FAM83F: variants seen among roughly 807,000 people sequenced by gnomAD.
FAM83F encodes protein FAM83F.
A neutral mutation model predicts 42.9 loss-of-function variants in FAM83F; 45 were observed. That is an observed-to-expected ratio of 1.05 (90% CI 0.83 to 1.35). FAM83F has a LOEUF of 1.35. Among genes scored for constraint, FAM83F ranks in the 40% most tolerant of loss-of-function variants. The pLI, the probability that FAM83F is intolerant of heterozygous loss-of-function variation, is 0.00. For missense variants in FAM83F, 617 were observed against 695.9 expected (o/e 0.89, Z 1.28); for synonymous variants, 306 against 298.3 (o/e 1.03, Z -0.27).
Position 39,995,082 on chromosome 22 carries a change from G to A in FAM83F, c.40G>A (p.Val14Met), listed in dbSNP as rs1281706691. 2 of 1,348,440 alleles carry A rather than the reference G, an allele frequency of 1.5e-6. No individual in the cohort carries two copies. The highest frequency in any genetic ancestry group is 1.9e-6 in the Non-Finnish European group (2 of 1,057,868). 83.5% of individuals were successfully genotyped at this position (1,348,440 alleles called of 1,614,324 possible). ...GCTGAACTGCCTGGACGAGGCGCAC[G>A]TGAACGAGAAGGTGACCGAGGCGCA... ...SQLNCLDEAH[V>M]NEKVTEAQAA... The change falls in exon 1 of 5, where the codon GTG (valine) becomes ATG (methionine). Residue 14 changes from valine to methionine, a missense_variant. Physicochemically the swap from Val to Met is conservative, Grantham distance 21. Transcript: ENST00000333407. This position sits in a 1 kb window ranked among gnomAD's most constrained non-coding sequence, Gnocchi z 4.6.
At chr22:40,014,390 T>A (rs951433020) in intron 1 of FAM83F, among the ~76,000 whole-genome samples, 1 of 152,138 alleles carries the variant, frequency 6.6e-6, no homozygotes, top group African/African-American at 2.4e-5. Context: ...TTTGTAAAAT[T>A]ATTAAGATAA....
intron 1 of FAM83F, among the ~76,000 whole-genome samples, chr22:40,016,025 G>T (rs965623496): frequency 6.6e-6 from 1 of 152,114 alleles, no homozygotes; most frequent in Non-Finnish European, 1.5e-5. Context: ...TTTGGGCCAA[G>T]ATTTAGGATG....
In FAM83F at chr22:40,023,347, AGCTGCTGCT is replaced by A. The variant is rs570808507; in HGVS notation, c.1453+1397_1453+1405del. ...TGGGCTCCCTGGCTCCCCTAACACC[AGCTGCTGCT>A]GCTGCTGCTGCTCCTGCTCTGTACC... On this transcript the variant is annotated intron_variant, in intron 4 of 4. Transcript: ENST00000333407. This position sits in a 1 kb window ranked among gnomAD's most constrained non-coding sequence, Gnocchi z 4.1. 2.7e-4 allele frequency among the ~76,000 whole-genome samples: 37 copies of A among 136,504 alleles called. No individual in the cohort carries two copies. In the East Asian group the frequency reaches 7.2e-3, roughly 26 times the overall value. The allele number at this position is 136,504 out of a possible 152,430, so 89.6% of individuals were successfully genotyped here. A position where few individuals can be genotyped will look rare whatever the true frequency, so the allele number is the denominator to read the frequency against.
At chr22:40,010,240 A>T (rs1266777183) in intron 1 of FAM83F, 1 of 152,122 alleles carries the variant, frequency 6.6e-6, no homozygotes, top group Non-Finnish European at 1.5e-5. Flanking sequence ...CCGATTTTCC[A>T]TCTACACTGG....
chr22:40,019,874 C>G lies in FAM83F; in HGVS notation c.658-13C>G, dbSNP rs768660459. 6.2e-7 allele frequency: 1 copy of G among 1,602,822 alleles called. No homozygotes were observed. Among genetic ancestry groups the G allele is most frequent in the Non-Finnish European group, 8.5e-7 (1 of 1,175,048 alleles). ...CCAACCCAGGTGACAGGGCCTTCTG[C>G]TCTTCCCAACAGAACATCCGTGTCC... On this transcript the variant is annotated splice_polypyrimidine_tract_variant and intron_variant, in intron 2 of 4. Coordinates refer to ENST00000333407, the MANE Select transcript of FAM83F (RefSeq NM_138435.4).
intron 1 of FAM83F, among the ~76,000 whole-genome samples, chr22:40,016,185 C>CATT (rs199972609): frequency 6.2e-5 from 5 of 80,778 alleles, no homozygotes; most frequent in East Asian, 4.6e-4. Context: ...ATTGACTATA[C>CATT]GTTGTTGTTG....
chr22:40,032,565 T>C lies in FAM83F; in HGVS notation c.*3000T>C, dbSNP rs2067595064. Reference sequence around the variant, plus strand: ...GAGGGGAAAGTGGGCTATTTCTTTTTTTTTTTTCTTTTTTTTTTCTGAGAC... The same window carrying C: ...GAGGGGAAAGTGGGCTATTTCTTTTCTTTTTTTCTTTTTTTTTTCTGAGAC... On this transcript the variant is annotated 3_prime_UTR_variant, in exon 5 of 5. Coordinates refer to ENST00000333407, the MANE Select transcript of FAM83F (RefSeq NM_138435.4). 1 of 151,704 alleles carries C rather than the reference T, an allele frequency of 6.6e-6. No individual in the cohort carries two copies. Among genetic ancestry groups the C allele is most frequent in the Admixed American group, 6.6e-5 (1 of 15,252 alleles). 9.4% of individuals were successfully genotyped at this position (151,704 alleles called of 1,614,324 possible). A position where few individuals can be genotyped will look rare whatever the true frequency, so the allele number is the denominator to read the frequency against.
intron 1 of FAM83F, among the ~76,000 whole-genome samples, chr22:40,003,085 G>A (rs9619838): frequency 8.7e-4 from 133 of 152,234 alleles, no homozygotes; most frequent in African/African-American, 3.0e-3. Flanking sequence ...TCTGTATGTC[G>A]CCAGCCAGGC....
rs924951060 is a variant in FAM83F, at chr22:40,030,040, G to A, written c.*475G>A. The A allele has an allele frequency of 3.1e-5, 5 of 159,550 alleles. No individual in the cohort carries two copies. The highest frequency in any genetic ancestry group is 1.2e-4 in the African/African-American group (5 of 41,588). The allele number at this position is 159,550 out of a possible 1,614,324, so 9.9% of individuals were successfully genotyped here. On this transcript the variant is annotated 3_prime_UTR_variant, in exon 5 of 5. Coordinates refer to ENST00000333407, the MANE Select transcript of FAM83F (RefSeq NM_138435.4). ...GAAGAGGGCAGGGCCCTGAGCCTGGGATCCCAAGTTCCAGTCTTTCTCTAG... is the reference window on the plus strand; with the variant it reads ...GAAGAGGGCAGGGCCCTGAGCCTGGAATCCCAAGTTCCAGTCTTTCTCTAG...
At chr22:40,019,111 C>A (rs2067505821) in intron 1 of FAM83F, 57 bp from the exon 2 acceptor site, 2 of 1,593,872 alleles carry the variant, frequency 1.3e-6, no homozygotes, top group Admixed American at 3.4e-5. Context: ...CTGAGCAGGG[C>A]ATGCCTCTGT....
Position 39,995,093 on chromosome 22 carries a change from G to A in FAM83F, c.51G>A (p.Lys17=). 1.5e-6 allele frequency: 2 copies of A among 1,355,528 alleles called. No individual in the cohort carries two copies. The highest frequency in any genetic ancestry group is 3.0e-5 in the East Asian group (1 of 33,064). 84.0% of individuals were successfully genotyped at this position (1,355,528 alleles called of 1,614,324 possible). The change falls in exon 1 of 5, where the codon AAG becomes AAA. Residue 17 remains lysine, a synonymous_variant. Coordinates refer to ENST00000333407, the MANE Select transcript of FAM83F (RefSeq NM_138435.4). This position sits in a 1 kb window ranked among gnomAD's most constrained non-coding sequence, Gnocchi z 4.6. ...TGGACGAGGCGCACGTGAACGAGAA[G>A]GTGACCGAGGCGCAGGCCGCCTTCT... ...NCLDEAHVNE[K]VTEAQAAFYY...
rs2067642014 is a variant in FAM83F, at chr22:40,039,443, A to T, written c.*9878A>T. 1 of 152,186 alleles carries T rather than the reference A, an allele frequency of 6.6e-6. No homozygotes were observed. The highest frequency in any genetic ancestry group is 2.4e-5 in the African/African-American group (1 of 41,440). 9.4% of individuals were successfully genotyped at this position (152,186 alleles called of 1,614,324 possible). A position where few individuals can be genotyped will look rare whatever the true frequency, so the allele number is the denominator to read the frequency against. On this transcript the variant is annotated 3_prime_UTR_variant, in exon 5 of 5. Transcript: ENST00000333407. Reference sequence around the variant, plus strand: ...GGTTAAAATGTTAGGTTTTATCATTATCTTAGGTGGAGAATAACAAATCCG... The same window carrying T: ...GGTTAAAATGTTAGGTTTTATCATTTTCTTAGGTGGAGAATAACAAATCCG...
At chr22:40,003,991 G>A (rs2067415021) in intron 1 of FAM83F, among the ~76,000 whole-genome samples, 1 of 152,122 alleles carries the variant, frequency 6.6e-6, no homozygotes. Context: ...GGGCCATTGA[G>A]GACAGACTAT....
At chr22:40,025,083 G>C (rs1328016035) in intron 4 of FAM83F, among the ~76,000 whole-genome samples, 1 of 152,116 alleles carries the variant, frequency 6.6e-6, no homozygotes, top group African/African-American at 2.4e-5. Context: ...CTGGGTCAGG[G>C]ACCCCCAAAC....
intron 1 of FAM83F, among the ~76,000 whole-genome samples, chr22:40,007,389 TCTTCCTCTCCTCCTC>T (rs2067436834): frequency 5.8e-5 from 1 of 17,306 alleles, no homozygotes; most frequent in Non-Finnish European, 1.2e-4. Flanking sequence ...CCTCCTCTCC[TCTTCCTCTCCTCCTC>T]CTCTTCCTCC....
chr22:40,024,618 G>A (rs2067540784), intron 4 of FAM83F, among the ~76,000 whole-genome samples: 1 of 152,192 alleles, frequency 6.6e-6, no homozygotes, highest in African/African-American at 2.4e-5. Flanking sequence ...CCCCTCCCTG[G>A]GGCTGTGTTC....
intron 1 of FAM83F, among the ~76,000 whole-genome samples, chr22:39,998,162 C>T (rs988524463): frequency 6.6e-6 from 1 of 152,198 alleles, no homozygotes; most frequent in Non-Finnish European, 1.5e-5. Context: ...CCTCCCCTTT[C>T]GCCCTGAGGG....
intron 3 of FAM83F, among the ~76,000 whole-genome samples, chr22:40,020,496 G>A (rs1368448854): frequency 7.3e-5 from 11 of 151,338 alleles, no homozygotes; most frequent in Admixed American, 3.3e-4. Context: ...CCTAGTAGCC[G>A]GGATTACAGG....
chr22:40,041,222 T>C lies in FAM83F; in HGVS notation c.*11657T>C, dbSNP rs1402125889. 1 of 152,082 alleles carries C rather than the reference T, an allele frequency of 6.6e-6. No homozygotes were observed. The highest frequency in any genetic ancestry group is 1.5e-5 in the Non-Finnish European group (1 of 68,020). The allele number at this position is 152,082 out of a possible 1,614,324, so 9.4% of individuals were successfully genotyped here. On this transcript the variant is annotated 3_prime_UTR_variant, in exon 5 of 5. Coordinates refer to ENST00000333407, the MANE Select transcript of FAM83F (RefSeq NM_138435.4). ...AGAATAGCACAGCGCTCCAAGAACA[T>C]AGTGCACTTGGCCTGCATACAAGTG...
Sources: allele counts gnomAD v4.1 joint callset (sites outside exome capture counted in the v4.1 genomes callset), GRCh38; gene constraint gnomAD v4.1.1; non-coding constraint Gnocchi (gnomAD v3.1); transcripts MANE v1.5; gene names NCBI Gene and HGNC (gene_info 2026-07-23, HGNC 2026-07-21).